FHIT: variants seen among roughly 807,000 people sequenced by gnomAD.
The protein encoded by FHIT is bis(5'-adenosyl)-triphosphatase.
Under a neutral mutation model 17.9 loss-of-function variants are expected in FHIT, and 19 were observed. The ratio of observed to expected loss-of-function variants is 1.06; its 90% CI spans 0.74 to 1.56. The LOEUF (loss-of-function observed/expected upper bound fraction) is 1.56. Ranked by LOEUF, FHIT falls within the 40% of genes most tolerant of loss-of-function variation. The pLI is 0.00. For missense variants in FHIT, 248 were observed against 189.2 expected, an observed-to-expected ratio of 1.31 and a Z score of -1.82; for synonymous variants, 81 against 69.7, an observed-to-expected ratio of 1.16 and a Z score of -0.81.
intron 4 of FHIT, among the ~76,000 whole-genome samples, chr3:60,648,054 C>T (rs1489872952): frequency 6.6e-6 from 1 of 152,116 alleles, no homozygotes; most frequent in Non-Finnish European, 1.5e-5. Flanking sequence ...AAGCAGGTCA[C>T]TCCTAAGCCT....
chr3:60,217,568 A>G (rs1327279907), intron 5 of FHIT, among the ~76,000 whole-genome samples: 1 of 151,722 alleles, frequency 6.6e-6, no homozygotes, highest in African/African-American at 2.4e-5. Flanking sequence ...AAATCCAATC[A>G]GTGGTCCCCC....
intron 5 of FHIT, among the ~76,000 whole-genome samples, chr3:60,155,687 G>GT (rs1357341119): frequency 4.0e-5 from 6 of 151,872 alleles, no homozygotes; most frequent in African/African-American, 7.3e-5. Flanking sequence ...AGTCTCCTGG[G>GT]TTTTTTTTCT....
In FHIT at chr3:60,709,405, T is replaced by C. The variant is rs540617897; in HGVS notation, c.-18+112514A>G. On this transcript the variant is annotated intron_variant, in intron 4 of 9. Transcript: ENST00000492590. ...GGAATATTTTAATAGCCTTTTCAAA[T>C]AACTGGATTTTTTCTCTAATACTGC... Among the ~76,000 whole-genome samples the C allele has an allele frequency of 1.4e-4, 21 of 152,270 alleles. No individual in the cohort carries two copies. The South Asian group carries it at 3.7e-3, about 27-fold the overall frequency.
At position 60,501,211 on chromosome 3, in the gene FHIT, A is replaced by G. The variant is rs78295090; in HGVS notation, c.103+35649T>C. Among the ~76,000 whole-genome samples the G allele has an allele frequency of 9.2e-3, 1,398 of 152,322 alleles. 26 individuals are homozygous for G. Among genetic ancestry groups the G allele is most frequent in the African/African-American group, 0.032 (1,338 of 41,576 alleles). ...TTCTCACCAACATTTTTCAGGGATG[A>G]CTTGAAGTAATATGATCCAAGGAGC... On this transcript the variant is annotated intron_variant, in intron 5 of 9. Coordinates refer to ENST00000492590, the MANE Select transcript of FHIT (RefSeq NM_002012.4).
At chr3:61,208,445 G>A (rs1241108328) in intron 1 of FHIT, among the ~76,000 whole-genome samples, 2 of 152,186 alleles carry the variant, frequency 1.3e-5, no homozygotes, top group Non-Finnish European at 2.9e-5. Context: ...TTGTGTGGGA[G>A]TCTAAGTCTC....
intron 8 of FHIT, among the ~76,000 whole-genome samples, chr3:59,872,757 G>T (rs1342950701): frequency 5.3e-5 from 8 of 152,210 alleles, no homozygotes; most frequent in Non-Finnish European, 8.8e-5. Context: ...ATGATAAGCT[G>T]TGTAGCCTGA....
chr3:60,031,284 A>T (rs1237747840), intron 5 of FHIT, among the ~76,000 whole-genome samples: 1 of 152,262 alleles, frequency 6.6e-6, no homozygotes, highest in Non-Finnish European at 1.5e-5. Context: ...CACCAGGAAC[A>T]GCCTATAGCA....
chr3:60,969,081 A>C (rs189600816), intron 3 of FHIT, among the ~76,000 whole-genome samples: 7 of 152,202 alleles, frequency 4.6e-5, no homozygotes, highest in Non-Finnish European at 7.4e-5. Context: ...TGCTGGTCTA[A>C]TGATGTGAGT....
intron 5 of FHIT, among the ~76,000 whole-genome samples, chr3:60,141,962 T>G (rs1460456858): frequency 6.6e-6 from 1 of 152,200 alleles, no homozygotes. Context: ...ATGGTATTTT[T>G]AAGCTATTAG....
rs2041720543 is a variant in FHIT at position 60,717,783 on chromosome 3, TC to T, written c.-18+104135del. Among the ~76,000 whole-genome samples, 4 of 152,144 alleles carry T rather than the reference TC, an allele frequency of 2.6e-5. No homozygotes were observed. The South Asian group carries it at 8.3e-4, about 32-fold the overall frequency. On this transcript the variant is annotated intron_variant, in intron 4 of 9. Coordinates refer to ENST00000492590, the MANE Select transcript of FHIT (RefSeq NM_002012.4). Reference sequence around the variant, plus strand: ...AACTACCTAATTAGAAACCTGAGCATCTGTATTTTCAAGGAACTACTTAGCC... The same window carrying T: ...AACTACCTAATTAGAAACCTGAGCATTGTATTTTCAAGGAACTACTTAGCC...
chr3:60,712,457 A>C (rs12491075), intron 4 of FHIT, among the ~76,000 whole-genome samples: 137,705 of 151,286 alleles, frequency 0.91, 63,451 homozygotes, highest in East Asian at 1. Context: ...GGACTAAATT[A>C]TCCAATTAAA....
intron 4 of FHIT, among the ~76,000 whole-genome samples, chr3:60,779,563 C>T (rs1203049903): frequency 6.6e-6 from 1 of 152,162 alleles, no homozygotes; most frequent in African/African-American, 2.4e-5. Flanking sequence ...ACTATAGCTA[C>T]CAGTTATCTG....
Position 61,210,611 on chromosome 3 carries a change from C to T in FHIT, c.-212-9946G>A, listed in dbSNP as rs532768802. Among the ~76,000 whole-genome samples the T allele has an allele frequency of 7.9e-5, 12 of 152,250 alleles. No homozygotes were observed. The East Asian group carries it at 1.4e-3, about 17-fold the overall frequency. On this transcript the variant is annotated intron_variant, in intron 1 of 9. Coordinates refer to ENST00000492590, the MANE Select transcript of FHIT (RefSeq NM_002012.4). ...GGCGTAGGGCCCTCCGAGCCATGTG[C>T]GGTATATAATCTCCTGGTGTGCCGT...
chr3:60,653,757 A>T (rs1171302834), intron 4 of FHIT, among the ~76,000 whole-genome samples: 1 of 152,164 alleles, frequency 6.6e-6, no homozygotes, highest in African/African-American at 2.4e-5. Context: ...GACAGGAAAA[A>T]GGATTTTCAA....
chr3:61,243,419 T>C (rs1209194332), intron 1 of FHIT, among the ~76,000 whole-genome samples: 5 of 152,148 alleles, frequency 3.3e-5, no homozygotes, highest in Non-Finnish European at 5.9e-5. Flanking sequence ...AATCACCACA[T>C]ATATGGATTA....
chr3:60,919,051 C>T (rs781884430), intron 3 of FHIT, among the ~76,000 whole-genome samples: 9 of 152,036 alleles, frequency 5.9e-5, no homozygotes, highest in Non-Finnish European at 1.3e-4. Flanking sequence ...CACTACCTAC[C>T]CAGACACAAA....
At chr3:61,021,218 G>A (rs2032405120) in intron 3 of FHIT, among the ~76,000 whole-genome samples, 1 of 152,140 alleles carries the variant, frequency 6.6e-6, no homozygotes, top group Non-Finnish European at 1.5e-5. Flanking sequence ...CAAATCAACA[G>A]AATATACATT....
intron 8 of FHIT, among the ~76,000 whole-genome samples, chr3:59,790,380 G>A (rs546088621): frequency 2.3e-4 from 35 of 152,234 alleles, no homozygotes; most frequent in African/African-American, 8.4e-4. Context: ...TTAACCATTT[G>A]GACAGTAGGA....
intron 8 of FHIT, among the ~76,000 whole-genome samples, chr3:59,888,875 C>G (rs1221290517): frequency 6.6e-6 from 1 of 152,274 alleles, no homozygotes; most frequent in South Asian, 2.1e-4. Context: ...GATCAAGGGG[C>G]AAGCTGCATC....
Sources: allele counts gnomAD v4.1 joint callset (sites outside exome capture counted in the v4.1 genomes callset), GRCh38; gene constraint gnomAD v4.1.1; transcripts MANE v1.5; gene names NCBI Gene and HGNC (gene_info 2026-07-23, HGNC 2026-07-21).